Variants in PTPRD observed in about 807,000 individuals in gnomAD.
PTPRD encodes the protein protein tyrosine phosphatase receptor type D.
Under a neutral mutation model 214.5 loss-of-function variants are expected in PTPRD, and 34 were observed. The ratio of observed to expected loss-of-function variants is 0.16; its 90% CI spans 0.12 to 0.21. The LOEUF is 0.21. Ranked by LOEUF, PTPRD falls within the 10% of genes least tolerant of loss-of-function variation. The pLI is 1.00. For synonymous variants in PTPRD, 1,128 were observed against 845.7 expected (o/e 1.33, Z -5.79); for missense variants, 2,545 against 2,398.7 (o/e 1.06, Z -1.27).
chr9:9,486,088 T>A (rs1273077064), intron 8 of PTPRD, among the ~76,000 whole-genome samples: 1 of 134,170 alleles, frequency 7.5e-6, no homozygotes, highest in Non-Finnish European at 1.5e-5. Context: ...GAGGTGGATG[T>A]TGTGGTGAGT....
chr9:9,933,138 G>C (rs1390811804), intron 5 of PTPRD, among the ~76,000 whole-genome samples: 1 of 152,166 alleles, frequency 6.6e-6, no homozygotes, highest in African/African-American at 2.4e-5. Context: ...AAAATGTAAA[G>C]ACCATCGAGA....
At chr9:9,161,324 T>C (rs1408651690) in intron 10 of PTPRD, among the ~76,000 whole-genome samples, 1 of 152,126 alleles carries the variant, frequency 6.6e-6, no homozygotes, top group Non-Finnish European at 1.5e-5. Flanking sequence ...GATTTGTCAA[T>C]TGAAAGTAAT....
At chr9:10,358,990 C>T (rs1024155533) in intron 2 of PTPRD, among the ~76,000 whole-genome samples, 4 of 151,848 alleles carry the variant, frequency 2.6e-5, no homozygotes, top group African/African-American at 9.7e-5. Context: ...TTTAATATTA[C>T]TATTGAAATG....
intron 3 of PTPRD, among the ~76,000 whole-genome samples, chr9:10,098,963 G>A (rs1035701433): frequency 6.6e-6 from 1 of 151,694 alleles, no homozygotes; most frequent in African/African-American, 2.4e-5. Context: ...TTCATAGACA[G>A]CAAAACTGAC....
At chr9:8,536,635 T>C (rs930938271) in intron 14 of PTPRD, among the ~76,000 whole-genome samples, 1 of 152,008 alleles carries the variant, frequency 6.6e-6, no homozygotes, top group Non-Finnish European at 1.5e-5. Flanking sequence ...ACTGTGCCTA[T>C]ACCTTTAGCC....
At chr9:8,989,151 T>C (rs1228445274) in intron 11 of PTPRD, among the ~76,000 whole-genome samples, 1 of 152,082 alleles carries the variant, frequency 6.6e-6, no homozygotes, top group Non-Finnish European at 1.5e-5. Flanking sequence ...CTGTACACAA[T>C]GTGTAATGAT....
chr9:9,652,763 T>C (rs1281731853), intron 7 of PTPRD, among the ~76,000 whole-genome samples: 1 of 151,838 alleles, frequency 6.6e-6, no homozygotes, highest in Non-Finnish European at 1.5e-5. Flanking sequence ...TACAGGTATG[T>C]ACCACCATTC....
chr9:8,983,438 G>C (rs1291891285), intron 11 of PTPRD, among the ~76,000 whole-genome samples: 3 of 151,980 alleles, frequency 2.0e-5, no homozygotes, highest in African/African-American at 7.2e-5. Flanking sequence ...ACCCGAGTTA[G>C]TGTTCAATAC....
intron 5 of PTPRD, among the ~76,000 whole-genome samples, chr9:9,780,518 C>G (rs1279016513): frequency 4.6e-5 from 7 of 152,154 alleles, no homozygotes; most frequent in African/African-American, 1.7e-4. Flanking sequence ...GATCATATAT[C>G]ATTGGTAACA....
chr9:9,663,342 T>C (rs1422175340), intron 7 of PTPRD, among the ~76,000 whole-genome samples: 1 of 151,488 alleles, frequency 6.6e-6, no homozygotes, highest in African/African-American at 2.4e-5. Flanking sequence ...TCACTAGTTA[T>C]ATCAATAAAC....
intron 14 of PTPRD, among the ~76,000 whole-genome samples, chr9:8,600,983 A>G (rs905879392): frequency 2.0e-5 from 3 of 152,078 alleles, no homozygotes; most frequent in Admixed American, 2.0e-4. Context: ...AGCATCCTGG[A>G]TGGCATTTCT....
intron 4 of PTPRD, among the ~76,000 whole-genome samples, chr9:9,961,931 C>A (rs1340944894): frequency 1.3e-5 from 2 of 151,914 alleles, no homozygotes; most frequent in African/African-American, 2.4e-5. Context: ...ATGCTAATTA[C>A]CCTAATTTGA....
chr9:9,238,962 G>A (rs146117319), intron 9 of PTPRD, among the ~76,000 whole-genome samples: 1 of 152,068 alleles, frequency 6.6e-6, no homozygotes, highest in African/African-American at 2.4e-5. Context: ...CATTCAGACA[G>A]CCACGGTGTG....
chr9:9,090,893 C>G, intron 10 of PTPRD: 10 of 1,286,730 alleles, frequency 7.8e-6, no homozygotes, highest in Non-Finnish European at 1.1e-5. Context: ...GTCCGTGCCT[C>G]CAAGATGACA....
At chr9:9,203,392 T>A (rs1409630075) in intron 9 of PTPRD, among the ~76,000 whole-genome samples, 3 of 152,224 alleles carry the variant, frequency 2.0e-5, no homozygotes, top group Non-Finnish European at 4.4e-5. Context: ...TTGAATTGCA[T>A]GTTTTTGTTA....
At chr9:9,468,039 T>C (rs2094336831) in intron 8 of PTPRD, among the ~76,000 whole-genome samples, 1 of 152,104 alleles carries the variant, frequency 6.6e-6, no homozygotes, top group African/African-American at 2.4e-5. Flanking sequence ...ATGCTTATTT[T>C]GTGGAGCAGT....
At chr9:10,465,481 ATG>A (rs1226040714) in intron 2 of PTPRD, among the ~76,000 whole-genome samples, 4 of 152,150 alleles carry the variant, frequency 2.6e-5, no homozygotes, top group Non-Finnish European at 2.9e-5. Context: ...GAGTGTCGTC[ATG>A]TGCCACATGA....
chr9:10,598,997 A>G (rs75790735), intron 2 of PTPRD, among the ~76,000 whole-genome samples: 6,775 of 151,714 alleles, frequency 0.045, 189 homozygotes, highest in East Asian at 0.095. Flanking sequence ...GTACACAACT[A>G]AACAGCTATG....
Position 9,249,194 on chromosome 9 carries a change from T to C in PTPRD, c.-202-65831A>G, listed in dbSNP as rs189125321. Among the ~76,000 whole-genome samples, 907 of 152,030 alleles carry C rather than the reference T, an allele frequency of 6.0e-3. 8 individuals are homozygous for C. Among genetic ancestry groups the C allele is most frequent in the Non-Finnish European group, 8.7e-3 (593 of 67,946 alleles). ...TGTTAAAAAAGAGTCCAGCATCTTC[T>C]CCTTTCTCTCTTGCTCCCTCTCTCT... On this transcript the variant is annotated intron_variant, in intron 9 of 45. Transcript: ENST00000381196.
Sources: gnomAD v4.1 joint callset for allele counts (sites outside exome capture counted in the v4.1 genomes callset) on GRCh38, gnomAD v4.1.1 for gene constraint, MANE v1.5 for transcripts, NCBI Gene and HGNC (gene_info 2026-07-23, HGNC 2026-07-21) for gene names.